MAML3: variants seen among roughly 807,000 people sequenced by gnomAD.
The protein encoded by MAML3 is mastermind-like protein 3.
A neutral mutation model predicts 101.9 loss-of-function variants in MAML3; 27 were observed. The ratio of observed to expected loss-of-function variants is 0.27; its 90% CI spans 0.20 to 0.37. The LOEUF is 0.37. Among genes scored for constraint, MAML3 ranks in the 10% least tolerant of loss-of-function variants. The probability of loss-of-function intolerance (pLI) is 1.00; values close to 1 mark genes in which losing one functional copy is unlikely to be tolerated. For missense variants in MAML3, 1,316 were observed against 1,444.9 expected, an observed-to-expected ratio of 0.91 and a Z score of 1.45; for synonymous variants, 501 against 555.9, an observed-to-expected ratio of 0.90 and a Z score of 1.39.
chr4:140,011,233 C>CCTATATATATATATATATATATAT (rs1726554304), intron 1 of MAML3, among the ~76,000 whole-genome samples: 1 of 119,926 alleles, frequency 8.3e-6, no homozygotes. Flanking sequence ...ATAAAGTGTG[C>CCTATATATATATATATATATATAT]ATATATATAT....
At chr4:139,923,331 T>A (rs1017517573) in intron 1 of MAML3, among the ~76,000 whole-genome samples, 2 of 152,178 alleles carry the variant, frequency 1.3e-5, no homozygotes, top group Admixed American at 1.3e-4. Context: ...GGAACAGTCA[T>A]GAGAGCTTGT....
At chr4:139,846,006 C>CA (rs1731440061) in intron 2 of MAML3, among the ~76,000 whole-genome samples, 1 of 152,114 alleles carries the variant, frequency 6.6e-6, no homozygotes, top group African/African-American at 2.4e-5. Context: ...ACAGAGAACT[C>CA]AGAGTTTGAA....
At chr4:140,040,803 A>G (rs1243620642) in intron 1 of MAML3, among the ~76,000 whole-genome samples, 1 of 152,120 alleles carries the variant, frequency 6.6e-6, no homozygotes, top group African/African-American at 2.4e-5. Context: ...TATATTATGC[A>G]TAATAATAGT....
intron 4 of MAML3, among the ~76,000 whole-genome samples, chr4:139,723,527 G>A (rs1211948640): frequency 1.3e-5 from 2 of 152,132 alleles, no homozygotes; most frequent in Non-Finnish European, 2.9e-5. Flanking sequence ...GGTCAGGCTG[G>A]TCTCGAACTC....
At chr4:139,776,580 C>T (rs910118344) in intron 2 of MAML3, among the ~76,000 whole-genome samples, 36 of 152,170 alleles carry the variant, frequency 2.4e-4, no homozygotes, top group Non-Finnish European at 3.4e-4. Flanking sequence ...CTGAGGCTTT[C>T]CCTGAACAGT....
Position 140,038,285 on chromosome 4 carries a change from G to A in MAML3, c.468+114575C>T, listed in dbSNP as rs114069151. ...TCTCACACCTGCATTTTACAGATAC[G>A]GCAGGGAGTGAAATGAATTGTCCAA... is the stretch of plus-strand genomic sequence containing the variant. On this transcript the variant is annotated intron_variant, in intron 1 of 4. Coordinates refer to ENST00000509479, the MANE Select transcript of MAML3 (RefSeq NM_018717.5). Among the ~76,000 whole-genome samples the A allele has an allele frequency of 5.4e-3, 830 of 152,302 alleles. 14 individuals are homozygous for A. The highest frequency in any genetic ancestry group is 0.019 in the African/African-American group (785 of 41,564).
chr4:139,740,398 T>G (rs1336615281), intron 2 of MAML3: 1 of 152,164 alleles, frequency 6.6e-6, no homozygotes, highest in Non-Finnish European at 1.5e-5. Context: ...AAGTGGCCGC[T>G]GTCAGGACAC....
chr4:140,054,552 C>T (rs191782146), intron 1 of MAML3, among the ~76,000 whole-genome samples: 4 of 152,228 alleles, frequency 2.6e-5, no homozygotes, highest in Admixed American at 2.6e-4. Flanking sequence ...TGCCTTGCAC[C>T]TCTCCTGTTT....
At chr4:139,801,435 G>A (rs554534895) in intron 2 of MAML3, among the ~76,000 whole-genome samples, 29 of 152,294 alleles carry the variant, frequency 1.9e-4, no homozygotes, top group African/African-American at 3.1e-4. Context: ...CTGCACCACC[G>A]CTGTGGGGAG....
intron 1 of MAML3, among the ~76,000 whole-genome samples, chr4:139,957,638 A>C (rs1733939129): frequency 6.6e-6 from 1 of 152,342 alleles, no homozygotes; most frequent in Non-Finnish European, 1.5e-5. Flanking sequence ...CTGCACATCA[A>C]GCAAATCTTT....
chr4:140,149,818 T>C (rs1429976963), intron 1 of MAML3, among the ~76,000 whole-genome samples: 2 of 152,216 alleles, frequency 1.3e-5, no homozygotes, highest in Non-Finnish European at 2.9e-5. Flanking sequence ...ACGTTTTCTT[T>C]ACAACCTCTA....
chr4:140,149,220 G>GA (rs1179079981), intron 1 of MAML3, among the ~76,000 whole-genome samples: 1 of 152,260 alleles, frequency 6.6e-6, no homozygotes, highest in East Asian at 1.9e-4. Flanking sequence ...TTGAGGGGAA[G>GA]AAAAAAACTA....
intron 1 of MAML3, among the ~76,000 whole-genome samples, chr4:140,014,983 A>T (rs1323527619): frequency 6.6e-6 from 1 of 152,262 alleles, no homozygotes; most frequent in Non-Finnish European, 1.5e-5. Context: ...ATTAAAACTG[A>T]AAAGTATTTC....
intron 1 of MAML3, among the ~76,000 whole-genome samples, chr4:140,090,863 A>C (rs1728033464): frequency 6.6e-6 from 1 of 152,090 alleles, no homozygotes; most frequent in Non-Finnish European, 1.5e-5. Context: ...CCAGCCTGGC[A>C]AACATGGTGA....
At chr4:140,095,262 T>G (rs1728137577) in intron 1 of MAML3, among the ~76,000 whole-genome samples, 2 of 152,118 alleles carry the variant, frequency 1.3e-5, no homozygotes, top group African/African-American at 2.4e-5. Flanking sequence ...CTCCCCAACT[T>G]TCACAGAGCA....
At chr4:140,028,644 A>G (rs114734724) in intron 1 of MAML3, among the ~76,000 whole-genome samples, 1 of 152,128 alleles carries the variant, frequency 6.6e-6, no homozygotes, top group Non-Finnish European at 1.5e-5. Flanking sequence ...TTATCTTCTT[A>G]AAGGCCAGTT....
At chr4:140,037,618 G>A (rs939911371) in intron 1 of MAML3, among the ~76,000 whole-genome samples, 1 of 152,118 alleles carries the variant, frequency 6.6e-6, no homozygotes, top group Admixed American at 6.5e-5. Context: ...ACAAACGCAC[G>A]TCTTCATTCA....
intron 2 of MAML3, among the ~76,000 whole-genome samples, chr4:139,884,515 C>T (rs1411759384): frequency 6.6e-6 from 1 of 152,184 alleles, no homozygotes. Context: ...TTCTGCTCTT[C>T]CCCACAGGAG....
At chr4:139,863,831 G>GTTTTTTTTTT (rs1560817697) in intron 2 of MAML3, among the ~76,000 whole-genome samples, 4 of 50,758 alleles carry the variant, frequency 7.9e-5, no homozygotes, top group Admixed American at 2.1e-4. Flanking sequence ...CCAGAACATG[G>GTTTTTTTTTT]GTTTTTTTTT....
Sources: gnomAD v4.1 joint callset for allele counts (sites outside exome capture counted in the v4.1 genomes callset) on GRCh38, gnomAD v4.1.1 for gene constraint, MANE v1.5 for transcripts, NCBI Gene and HGNC (gene_info 2026-07-23, HGNC 2026-07-21) for gene names.